ENKUR: variants seen among roughly 807,000 people sequenced by gnomAD.
ENKUR encodes enkurin, TRPC channel interacting protein, also known as enkurin.
ENKUR carries 19 observed loss-of-function variants against 27.6 expected under a neutral mutation model. That is an observed-to-expected ratio of 0.69 (90% CI 0.48 to 1.01). The LOEUF is 1.01. ENKUR is among the 50% of genes least tolerant of loss of function. The probability of loss-of-function intolerance (pLI) is 0.00; values close to 1 mark genes in which losing one functional copy is unlikely to be tolerated. For missense variants in ENKUR, 312 were observed against 310.5 expected, an observed-to-expected ratio of 1.00 and a Z score of -0.04; for synonymous variants, 117 against 96.9, an observed-to-expected ratio of 1.21 and a Z score of -1.22.
intron 3 of ENKUR, among the ~76,000 whole-genome samples, chr10:24,991,131 T>C (rs1360837105): frequency 6.6e-6 from 1 of 152,110 alleles, no homozygotes; most frequent in African/African-American, 2.4e-5. Flanking sequence ...TTATTGCAGT[T>C]GCTTGTTTTC....
At chr10:25,058,759 T>C (rs1005440870) in intron 2 of ENKUR, among the ~76,000 whole-genome samples, 16 of 151,966 alleles carry the variant, frequency 1.1e-4, no homozygotes, top group African/African-American at 3.6e-4. Context: ...GGTGAAACCC[T>C]GTCTCTACTA....
At chr10:24,990,405 C>G in intron 4 of ENKUR, 58 bp downstream of exon 4, 1 of 1,552,910 alleles carries the variant, frequency 6.4e-7, no homozygotes, top group East Asian at 2.3e-5. Flanking sequence ...GATGGTACAC[C>G]TTTCTTTCAG....
At chr10:25,059,984 GGAGTGATAAT>G (rs774643423) in intron 2 of ENKUR, among the ~76,000 whole-genome samples, 86 of 152,316 alleles carry the variant, frequency 5.6e-4, no homozygotes, top group Non-Finnish European at 8.7e-4. Context: ...TGTGGGGTTG[GGAGTGATAAT>G]GAGTGATAAT....
chr10:24,998,919 T>C (rs1341680764), intron 2 of ENKUR, among the ~76,000 whole-genome samples: 1 of 152,172 alleles, frequency 6.6e-6, no homozygotes, highest in Non-Finnish European at 1.5e-5. Flanking sequence ...ATCTAACTCA[T>C]TGCAGTCCAG....
chr10:24,990,581 C>G lies in ENKUR; in HGVS notation c.476G>C (p.Cys159Ser). Reference sequence around the variant, plus strand: ...TTTCTTTATTTCCTCGTTTCGCTTACATATGTATTCAGGTGTGACACCATA... The same window carrying G: ...TTTCTTTATTTCCTCGTTTCGCTTAGATATGTATTCAGGTGTGACACCATA... ...KDYGVTPEYI[C>S]KRNEEIKKAQ... Residue 159 changes from cysteine (C) to serine (S), a missense_variant, in exon 4 of 6, where the codon TGT becomes TCT. Physicochemically the swap from Cys to Ser is moderately radical, Grantham distance 112. Coordinates refer to ENST00000331161, the MANE Select transcript of ENKUR (RefSeq NM_145010.4). 1 of 1,611,966 alleles carries G rather than the reference C, an allele frequency of 6.2e-7. No individual in the cohort carries two copies. The highest frequency in any genetic ancestry group is 8.5e-7 in the Non-Finnish European group (1 of 1,179,538).
intron 2 of ENKUR, chr10:25,025,493 A>C: frequency 1.3e-6 from 2 of 1,545,246 alleles, no homozygotes; most frequent in Non-Finnish European, 1.7e-6. Context: ...AGCTATAAGC[A>C]TGCAATAATA....
At chr10:25,039,646 C>T (rs1409295855) in intron 2 of ENKUR, among the ~76,000 whole-genome samples, 1 of 152,130 alleles carries the variant, frequency 6.6e-6, no homozygotes, top group Admixed American at 6.5e-5. Flanking sequence ...TAGCTATGTG[C>T]AGTGCATACC....
Position 25,024,776 on chromosome 10 carries a change from T to C in ENKUR, c.38-28907A>G. On this transcript the variant is annotated intron_variant, in intron 2 of 5. Transcript: ENST00000615958. ...AACTTTGGTAACATTTTAGCAGCAGTGTATGCCAAAATGATGGGAATCCCG... is the reference window on the plus strand; with the variant it reads ...AACTTTGGTAACATTTTAGCAGCAGCGTATGCCAAAATGATGGGAATCCCG... 6.2e-7 allele frequency: 1 copy of C among 1,614,196 alleles called. No homozygotes were observed. The highest frequency in any genetic ancestry group is 8.5e-7 in the Non-Finnish European group (1 of 1,180,026).
intron 3 of ENKUR, among the ~76,000 whole-genome samples, chr10:24,992,926 A>G (rs1429795103): frequency 6.6e-6 from 1 of 152,232 alleles, no homozygotes; most frequent in Non-Finnish European, 1.5e-5. Context: ...ACAGCTTAGT[A>G]CAATAATGGA....
upstream of ENKUR, chr10:25,016,578 C>G (rs939481842): frequency 6.6e-6 from 1 of 152,326 alleles, no homozygotes; most frequent in South Asian, 2.1e-4. Flanking sequence ...AAAGGAGAGT[C>G]ACGTGCCCTG....
At chr10:25,052,856 G>A (rs1490791028) in intron 2 of ENKUR, among the ~76,000 whole-genome samples, 12 of 151,536 alleles carry the variant, frequency 7.9e-5, no homozygotes, top group East Asian at 3.9e-4. Flanking sequence ...TGCAAGCTCC[G>A]CCTCCTGGGT....
intron 2 of ENKUR, among the ~76,000 whole-genome samples, chr10:25,040,660 G>C (rs1388472186): frequency 1.3e-5 from 2 of 152,186 alleles, no homozygotes; most frequent in African/African-American, 4.8e-5. Context: ...GTGAGCCACA[G>C]CGCCTGGCCC....
intron 2 of ENKUR, among the ~76,000 whole-genome samples, chr10:25,053,628 A>G (rs549917339): frequency 6.6e-6 from 1 of 152,186 alleles, no homozygotes; most frequent in East Asian, 1.9e-4. Context: ...TTCATAGGAC[A>G]ATAATAGTAA....
chr10:25,025,355 GAACAAA>G, intron 2 of ENKUR: 1 of 1,614,144 alleles, frequency 6.2e-7, no homozygotes, highest in Non-Finnish European at 8.5e-7. Context: ...TTATTAGAGA[GAACAAA>G]ACAGCAAGAG....
intron 1 of ENKUR, among the ~76,000 whole-genome samples, chr10:25,000,304 T>G (rs1414220275): frequency 6.6e-6 from 1 of 152,170 alleles, no homozygotes; most frequent in African/African-American, 2.4e-5. Flanking sequence ...GTGCCGCTGT[T>G]GGCTGGAGTG....
At position 25,041,385 on chromosome 10, in the gene ENKUR, C is replaced by T. The variant is rs1363689890; in HGVS notation, c.37+19727G>A. Reference sequence around the variant, plus strand: ...AGCCATGCCCTTCTTTGAATTTATCCTGTTTGGAGTTTGCTAAGCTTCTTG... The same window carrying T: ...AGCCATGCCCTTCTTTGAATTTATCTTGTTTGGAGTTTGCTAAGCTTCTTG... On this transcript the variant is annotated intron_variant, in intron 2 of 5. Coordinates refer to the ENKUR transcript ENST00000615958. Among the ~76,000 whole-genome samples, 3 of 151,110 alleles carry T rather than the reference C, an allele frequency of 2.0e-5. No individual in the cohort carries two copies. The East Asian group carries it at 5.9e-4, about 30-fold the overall frequency.
chr10:25,009,255 TA>T (rs372524385), intron 1 of ENKUR, among the ~76,000 whole-genome samples: 3,548 of 147,856 alleles, frequency 0.024, 133 homozygotes, highest in African/African-American at 0.082. Context: ...TAGAGTATAA[TA>T]AAAAAAAAAG....
intron 2 of ENKUR, among the ~76,000 whole-genome samples, chr10:24,997,305 T>C (rs1462766497): frequency 6.6e-6 from 1 of 151,762 alleles, no homozygotes. Flanking sequence ...GTTGGACTCC[T>C]AGTTCTCCAG....
chr10:25,052,013 T>C (rs938338677), intron 2 of ENKUR, among the ~76,000 whole-genome samples: 2 of 152,208 alleles, frequency 1.3e-5, no homozygotes, highest in Admixed American at 1.3e-4. Context: ...AGAAAAAAAT[T>C]CACATTAGGC....
Sources: allele counts gnomAD v4.1 joint callset (sites outside exome capture counted in the v4.1 genomes callset), GRCh38; gene constraint gnomAD v4.1.1; transcripts MANE v1.5; gene names NCBI Gene and HGNC (gene_info 2026-07-23, HGNC 2026-07-21).